Variants in HS6ST2 observed in about 807,000 individuals in gnomAD.
HS6ST2 encodes heparan-sulfate 6-O-sulfotransferase 2.
Under a neutral mutation model 33.0 loss-of-function variants are expected in HS6ST2, and 17 were observed. The ratio of observed to expected loss-of-function variants is 0.52; its 90% confidence interval spans 0.35 to 0.77. HS6ST2 has a LOEUF of 0.77. Ranked by LOEUF, HS6ST2 falls within the 30% of genes least tolerant of loss-of-function variation. The pLI, the probability that HS6ST2 is intolerant of heterozygous loss-of-function variation, is 0.01. For missense variants in HS6ST2, 519 were observed against 551.7 expected (o/e 0.94, Z 0.59); for synonymous variants, 248 against 237.1 (o/e 1.05, Z -0.42).
intron 2 of HS6ST2, among the ~76,000 whole-genome samples, chrX:132,769,676 C>T (rs936236134): frequency 3.6e-5 from 4 of 112,463 alleles, no homozygotes; most frequent in Non-Finnish European, 7.5e-5. Context: ...CAATTCCAGG[C>T]CAGCAATAGG....
chrX:132,881,114 C>T (rs1414040681), intron 2 of HS6ST2, among the ~76,000 whole-genome samples: 10 of 110,570 alleles, frequency 9.0e-5, no homozygotes, highest in Admixed American at 1.9e-4. Context: ...TATAGCAGCA[C>T]GATTTATAAT....
intron 2 of HS6ST2, among the ~76,000 whole-genome samples, chrX:132,902,609 A>G (rs769481875): frequency 1.8e-5 from 2 of 112,091 alleles, no homozygotes; most frequent in African/African-American, 6.5e-5. Flanking sequence ...AAGGAGGCTC[A>G]TTGTATGTAG....
At chrX:132,804,434 A>G (rs2065261636) in intron 2 of HS6ST2, among the ~76,000 whole-genome samples, 1 of 111,924 alleles carries the variant, frequency 8.9e-6, no homozygotes, top group South Asian at 3.8e-4. Context: ...GCAGAAGCCC[A>G]CAAGTTGCTA....
intron 4 of HS6ST2, among the ~76,000 whole-genome samples, chrX:132,657,777 A>G (rs758311165): frequency 6.7e-5 from 7 of 105,048 alleles, no homozygotes; most frequent in Non-Finnish European, 1.4e-4. Flanking sequence ...GTTTGCCATT[A>G]AAAGTAATGG....
intron 2 of HS6ST2, among the ~76,000 whole-genome samples, chrX:132,855,611 G>A (rs754752402): frequency 7.2e-5 from 8 of 111,542 alleles, no homozygotes; most frequent in South Asian, 3.8e-4. Context: ...GTATTAACAC[G>A]AAACAAGTGA....
At chrX:132,845,883 A>C (rs1468037730) in intron 2 of HS6ST2, among the ~76,000 whole-genome samples, 1 of 111,575 alleles carries the variant, frequency 9.0e-6, no homozygotes, top group Non-Finnish European at 1.9e-5. Context: ...CACAAAATGA[A>C]GGGTCTTTTA....
chrX:132,888,164 G>C (rs926807363), intron 2 of HS6ST2, among the ~76,000 whole-genome samples: 6 of 111,605 alleles, frequency 5.4e-5, no homozygotes, highest in African/African-American at 2.0e-4. Flanking sequence ...TTAAGAAAGA[G>C]TTTGTATTCG....
At chrX:132,790,063 A>G (rs1287277429) in intron 2 of HS6ST2, among the ~76,000 whole-genome samples, 2 of 112,650 alleles carry the variant, frequency 1.8e-5, no homozygotes, top group African/African-American at 6.4e-5. Flanking sequence ...GATGGACTCC[A>G]ATTTTGAAAG....
At chrX:132,953,048 TGAA>T (rs1254047927) in intron 2 of HS6ST2, among the ~76,000 whole-genome samples, 2 of 111,560 alleles carry the variant, frequency 1.8e-5, no homozygotes, top group East Asian at 5.7e-4. Flanking sequence ...TACTTAGTGA[TGAA>T]GAAGGGGGCT....
At chrX:132,941,860 G>T (rs1234182833) in intron 2 of HS6ST2, among the ~76,000 whole-genome samples, 1 of 111,002 alleles carries the variant, frequency 9.0e-6, no homozygotes, top group Non-Finnish European at 1.9e-5. Context: ...GCAAAGCATA[G>T]ATCCTTACCT....
At chrX:132,762,197 G>A (rs1317183005) in intron 2 of HS6ST2, among the ~76,000 whole-genome samples, 1 of 111,570 alleles carries the variant, frequency 9.0e-6, no homozygotes, top group African/African-American at 3.3e-5. Context: ...TGAACTCAAA[G>A]TCAAATTGAA....
chrX:132,717,470 T>C (rs1046358510), intron 2 of HS6ST2, among the ~76,000 whole-genome samples: 1 of 112,886 alleles, frequency 8.9e-6, no homozygotes, highest in African/African-American at 3.2e-5. Flanking sequence ...CTGAATTTAA[T>C]ACAACCAACG....
At chrX:132,709,461 T>C (rs2064212377) in intron 2 of HS6ST2, among the ~76,000 whole-genome samples, 1 of 111,557 alleles carries the variant, frequency 9.0e-6, no homozygotes, top group Non-Finnish European at 1.9e-5. Context: ...GAATCATCAT[T>C]TGAGAAGCAA....
At chrX:132,748,088 T>C (rs1219619285) in intron 2 of HS6ST2, among the ~76,000 whole-genome samples, 8 of 111,666 alleles carry the variant, frequency 7.2e-5, no homozygotes, top group Admixed American at 2.8e-4. Context: ...TTCCCCAACA[T>C]AGCTCTCTCT....
intron 4 of HS6ST2, among the ~76,000 whole-genome samples, chrX:132,647,374 T>C (rs184800268): frequency 9.0e-6 from 1 of 111,353 alleles, no homozygotes; most frequent in Admixed American, 9.5e-5. Flanking sequence ...TCCTCTTTGC[T>C]CCACTGTCTC....
At chrX:132,799,585 T>C (rs1272096537) in intron 2 of HS6ST2, among the ~76,000 whole-genome samples, 1 of 110,502 alleles carries the variant, frequency 9.0e-6, no homozygotes, top group Non-Finnish European at 1.9e-5. Context: ...TCTCACTATG[T>C]TGCCCAGGCT....
At chrX:132,896,553 C>T (rs2066378304) in intron 2 of HS6ST2, among the ~76,000 whole-genome samples, 1 of 110,432 alleles carries the variant, frequency 9.1e-6, no homozygotes, top group African/African-American at 3.3e-5. Flanking sequence ...CTTAAATGCA[C>T]ATTATAAAAT....
At chrX:132,776,326 A>C (rs1428875183) in intron 2 of HS6ST2, among the ~76,000 whole-genome samples, 1 of 112,245 alleles carries the variant, frequency 8.9e-6, no homozygotes, top group African/African-American at 3.2e-5. Context: ...GAAGTATATT[A>C]ATGTGAAGAA....
intron 2 of HS6ST2, among the ~76,000 whole-genome samples, chrX:132,893,154 G>A (rs1004648311): frequency 1.8e-5 from 2 of 111,835 alleles, no homozygotes; most frequent in Admixed American, 1.9e-4. Context: ...ACATAAAGAG[G>A]CAGTGAGATG....
Sources: gnomAD v4.1 joint callset for allele counts (sites outside exome capture counted in the v4.1 genomes callset) on GRCh38, gnomAD v4.1.1 for gene constraint, MANE v1.5 for transcripts, NCBI Gene and HGNC (gene_info 2026-07-23, HGNC 2026-07-21) for gene names.